LIMK2: variants seen among roughly 807,000 people sequenced by gnomAD.
LIMK2 encodes the protein LIM domain kinase 2.
LIMK2 carries 35 observed loss-of-function variants against 75.7 expected under a neutral mutation model. The observed-to-expected ratio is 0.46, with a 90% CI of 0.35 to 0.61. The LOEUF is 0.61. Ranked by LOEUF, LIMK2 falls within the 20% of genes least tolerant of loss-of-function variation. The probability of loss-of-function intolerance (pLI) is 0.00; values close to 1 mark genes in which losing one functional copy is unlikely to be tolerated. For synonymous variants in LIMK2, 301 were observed against 319.2 expected, an observed-to-expected ratio of 0.94 and a Z score of 0.61; for missense variants, 623 against 831.0, an observed-to-expected ratio of 0.75 and a Z score of 3.08.
intron 2 of LIMK2, among the ~76,000 whole-genome samples, chr22:31,246,207 A>G (rs932779446): frequency 1.3e-5 from 2 of 149,790 alleles, no homozygotes; most frequent in Non-Finnish European, 3.0e-5. Context: ...ACACACACAC[A>G]CACACACACG....
intron 2 of LIMK2, among the ~76,000 whole-genome samples, chr22:31,228,021 CGTGT>C (rs66641491): frequency 0.2 from 29,428 of 147,546 alleles, 3,833 homozygotes; most frequent in African/African-American, 0.38. Context: ...TCTGTGCGTG[CGTGT>C]GTGTGTGTGT....
rs146120713 is a variant in LIMK2, at chr22:31,272,594, C to T, written c.1448C>T (p.Ala483Val). ...CTCATAGTGGAAGAGAGGAAAAGGG[C>T]CCCCATGGAGAAGGCCACCACCAAG... ...SRLIVEERKRAPMEKATTKKR... is the reference protein window; with the variant it reads ...SRLIVEERKRVPMEKATTKKR... Residue 483 changes from alanine to valine, a missense_variant, in exon 13 of 16, where the codon GCC becomes GTC. Around this residue, in one of 3 missense-constraint regions of LIMK2, gnomAD observed 514 missense variants for 661.3 expected, o/e 0.78. Coordinates refer to ENST00000331728, the MANE Select transcript of LIMK2 (RefSeq NM_005569.4). The T allele has an allele frequency of 1.2e-6, 2 of 1,613,524 alleles. No homozygotes were observed. The highest frequency in any genetic ancestry group is 2.7e-5 in the African/African-American group (2 of 74,800).
chr22:31,278,246 A>G, intron 15 of LIMK2, 51 bp from the exon 16 acceptor site: 1 of 1,543,432 alleles, frequency 6.5e-7, no homozygotes, highest in Non-Finnish European at 8.8e-7. Context: ...CACCCACCCC[A>G]TGGCCCTGCT....
chr22:31,252,219 T>C (rs1310780084), intron 2 of LIMK2, among the ~76,000 whole-genome samples: 1 of 152,076 alleles, frequency 6.6e-6, no homozygotes, highest in Non-Finnish European at 1.5e-5. Context: ...GCACAGTAAC[T>C]ATTTCCTAAT....
At chr22:31,274,108 G>A (rs575192589) in intron 14 of LIMK2, among the ~76,000 whole-genome samples, 62 of 151,870 alleles carry the variant, frequency 4.1e-4, no homozygotes, top group African/African-American at 1.4e-3. Context: ...AGAAGGAAGG[G>A]CAAGAGACTG....
At chr22:31,263,315 C>G (rs1389706876) in intron 7 of LIMK2, among the ~76,000 whole-genome samples, 2 of 152,162 alleles carry the variant, frequency 1.3e-5, no homozygotes, top group Admixed American at 6.5e-5. Flanking sequence ...AGAGCACTGG[C>G]TCCCAGGCAG....
At chr22:31,252,656 A>G (rs554037700) in intron 2 of LIMK2, among the ~76,000 whole-genome samples, 17 of 152,276 alleles carry the variant, frequency 1.1e-4, no homozygotes, top group African/African-American at 4.1e-4. Flanking sequence ...AAGCAGGTCC[A>G]TATTGCTAGG....
intron 1 of LIMK2, among the ~76,000 whole-genome samples, chr22:31,217,519 G>A (rs891982589): frequency 6.6e-6 from 1 of 152,230 alleles, no homozygotes; most frequent in East Asian, 1.9e-4. Context: ...AGTTCTTTAA[G>A]ACTAGTCCTG....
intron 2 of LIMK2, among the ~76,000 whole-genome samples, chr22:31,240,109 C>T (rs2048612132): frequency 6.6e-6 from 1 of 152,188 alleles, no homozygotes; most frequent in Non-Finnish European, 1.5e-5. Context: ...CTCCCATGGG[C>T]AGTGCTGGAA....
At chr22:31,238,871 C>G (rs1392817464) in intron 2 of LIMK2, among the ~76,000 whole-genome samples, 1 of 152,156 alleles carries the variant, frequency 6.6e-6, no homozygotes, top group Admixed American at 6.5e-5. Flanking sequence ...CTAGAGATTT[C>G]TTGAGATATC....
At position 31,262,089 on chromosome 22, in the gene LIMK2, G is replaced by A. The variant is rs748996101; in HGVS notation, c.552-45G>A. 6.6e-7 allele frequency: 1 copy of A among 1,524,848 alleles called. No homozygotes were observed. Among genetic ancestry groups the A allele is most frequent in the South Asian group, 1.1e-5 (1 of 89,244 alleles). The allele number at this position is 1,524,848 out of a possible 1,614,324, so 94.5% of individuals were successfully genotyped here. On this transcript the variant is annotated intron_variant, in intron 5 of 15. Transcript: ENST00000331728. This position sits in a 1 kb window ranked among gnomAD's most constrained non-coding sequence, Gnocchi z 5.0. ...TGCACAAGCAGAATTGGTCAAGCAG[G>A]TTTTTAGGACATCTTTACCCTGCCT...
intron 1 of LIMK2, among the ~76,000 whole-genome samples, chr22:31,216,515 C>G (rs981896942): frequency 1.1e-4 from 16 of 152,064 alleles, no homozygotes; most frequent in African/African-American, 3.9e-4. Context: ...GGCACAGGGC[C>G]ACCAATCTGG....
At chr22:31,250,347 A>G (rs548295919) in intron 2 of LIMK2, among the ~76,000 whole-genome samples, 15 of 152,296 alleles carry the variant, frequency 9.8e-5, no homozygotes, top group African/African-American at 2.9e-4. Context: ...TTGGAGAGGC[A>G]GGGAAGCCAG....
At chr22:31,267,273 CAG>C (rs945403594) in intron 9 of LIMK2, among the ~76,000 whole-genome samples, 8 of 152,296 alleles carry the variant, frequency 5.3e-5, no homozygotes, top group South Asian at 4.1e-4. Flanking sequence ...GCAACACAAA[CAG>C]GGTACAAGGG....
At chr22:31,278,040 T>C (rs1486066862) in intron 15 of LIMK2, among the ~76,000 whole-genome samples, 3 of 152,146 alleles carry the variant, frequency 2.0e-5, no homozygotes, top group Admixed American at 6.5e-5. Flanking sequence ...CTCTAAGATA[T>C]GGGAGGGAAG....
intron 2 of LIMK2, among the ~76,000 whole-genome samples, chr22:31,256,450 C>T (rs188893061): frequency 6.6e-6 from 1 of 151,870 alleles, no homozygotes; most frequent in East Asian, 1.9e-4. Flanking sequence ...CAGTGATTCT[C>T]CTGCCTCAGC....
At chr22:31,267,698 C>A in intron 9 of LIMK2, 78 bp from the exon 10 acceptor site, 1 of 1,485,354 alleles carries the variant, frequency 6.7e-7, no homozygotes, top group African/African-American at 1.4e-5. Flanking sequence ...ACTTGTCAAG[C>A]TGATTCCTTG....
At chr22:31,217,873 A>G (rs1272473827) in intron 1 of LIMK2, among the ~76,000 whole-genome samples, 1 of 152,176 alleles carries the variant, frequency 6.6e-6, no homozygotes, top group African/African-American at 2.4e-5. Flanking sequence ...CCTCTCTGAC[A>G]TGTTATTTCT....
chr22:31,274,431 C>T (rs2048991473), intron 14 of LIMK2, among the ~76,000 whole-genome samples: 1 of 152,098 alleles, frequency 6.6e-6, no homozygotes, highest in East Asian at 1.9e-4. Context: ...GATGGAGTTT[C>T]ACTCTGTCAC....
Sources: allele counts gnomAD v4.1 joint callset (sites outside exome capture counted in the v4.1 genomes callset), GRCh38; gene constraint gnomAD v4.1.1; regional missense constraint gnomAD v4.1.1; non-coding constraint Gnocchi (gnomAD v3.1); transcripts MANE v1.5; gene names NCBI Gene and HGNC (gene_info 2026-07-23, HGNC 2026-07-21).